CNTNAP2: variants seen among roughly 807,000 people sequenced by gnomAD.
CNTNAP2 encodes the protein contactin associated protein 2, also known as contactin-associated protein-like 2.
In CNTNAP2, 98 loss-of-function variants were observed where a neutral mutation model predicts 155.2. That is an observed-to-expected ratio of 0.63 (90% CI 0.54 to 0.75). CNTNAP2 has a LOEUF of 0.75. Among genes scored for constraint, CNTNAP2 ranks in the 30% least tolerant of loss-of-function variants. The probability of loss-of-function intolerance (pLI) is 0.00; values close to 1 mark genes in which losing one functional copy is unlikely to be tolerated. For missense variants in CNTNAP2, 1,727 were observed against 1,688.1 expected (o/e 1.02, Z -0.40); for synonymous variants, 651 against 631.2 (o/e 1.03, Z -0.47).
chr7:148,103,033 G>T (rs192141964), intron 15 of CNTNAP2, among the ~76,000 whole-genome samples: 4 of 152,086 alleles, frequency 2.6e-5, no homozygotes, highest in Non-Finnish European at 5.9e-5. Context: ...ATGGGGAGGG[G>T]GCTTCCAGGT....
chr7:146,585,191 G>A (rs1386054078), intron 1 of CNTNAP2, among the ~76,000 whole-genome samples: 1 of 151,834 alleles, frequency 6.6e-6, no homozygotes, highest in African/African-American at 2.4e-5. Context: ...GCACGATCTC[G>A]GCTCACTGCA....
intron 20 of CNTNAP2, among the ~76,000 whole-genome samples, chr7:148,236,737 C>T (rs564253629): frequency 1.6e-4 from 25 of 152,258 alleles, no homozygotes; most frequent in South Asian, 2.1e-4. Flanking sequence ...CTGTACAAGA[C>T]GCATAGCAGC....
intron 12 of CNTNAP2, among the ~76,000 whole-genome samples, chr7:147,635,472 T>C (rs1264023487): frequency 6.6e-6 from 1 of 152,082 alleles, no homozygotes; most frequent in African/African-American, 2.4e-5. Context: ...TTTCCTTAGA[T>C]ACATTCCCTA....
intron 20 of CNTNAP2, among the ~76,000 whole-genome samples, chr7:148,264,434 A>G (rs1796630623): frequency 6.6e-6 from 1 of 152,136 alleles, no homozygotes; most frequent in South Asian, 2.1e-4. Flanking sequence ...AAGAAAATAG[A>G]ATTTTGTTGT....
chr7:148,172,553 A>G (rs1390686778), intron 18 of CNTNAP2, 75 bp downstream of exon 18: 23 of 1,283,258 alleles, frequency 1.8e-5, no homozygotes, highest in South Asian at 3.6e-5. Flanking sequence ...ATGATTTTTC[A>G]TATGTAAACA....
At chr7:146,346,988 G>A (rs755982077) in intron 1 of CNTNAP2, among the ~76,000 whole-genome samples, 7 of 151,358 alleles carry the variant, frequency 4.6e-5, no homozygotes, top group African/African-American at 9.7e-5. Flanking sequence ...GAAAGGGATC[G>A]ATGAAAAATA....
intron 1 of CNTNAP2, among the ~76,000 whole-genome samples, chr7:146,537,519 A>G (rs1268637979): frequency 6.6e-6 from 1 of 152,104 alleles, no homozygotes; most frequent in Non-Finnish European, 1.5e-5. Flanking sequence ...AGGAAAGTAA[A>G]TTAGTAAAAT....
At chr7:147,032,883 G>A (rs1799062899) in intron 3 of CNTNAP2, among the ~76,000 whole-genome samples, 1 of 151,984 alleles carries the variant, frequency 6.6e-6, no homozygotes, top group South Asian at 2.1e-4. Flanking sequence ...AGTAGGCTGA[G>A]AACAAATGAT....
intron 8 of CNTNAP2, among the ~76,000 whole-genome samples, chr7:147,156,619 A>G (rs17170339): frequency 0.089 from 13,617 of 152,196 alleles, 661 homozygotes; most frequent in Middle Eastern, 0.13. Context: ...TCTTAAAAGA[A>G]TTTTGAGAGG....
intron 8 of CNTNAP2, among the ~76,000 whole-genome samples, chr7:147,261,769 G>GT (rs1249000177): frequency 6.6e-6 from 1 of 152,172 alleles, no homozygotes; most frequent in African/African-American, 2.4e-5. Context: ...ACAGCCAACT[G>GT]TTTTAAAACT....
intron 18 of CNTNAP2, among the ~76,000 whole-genome samples, chr7:148,180,784 A>G (rs1256938819): frequency 1.3e-5 from 2 of 152,210 alleles, no homozygotes. Context: ...AGCATGGTGC[A>G]TTAGCATCCA....
chr7:148,133,772 AAAAGGGG>A (rs1396872959), intron 16 of CNTNAP2: 1 of 152,154 alleles, frequency 6.6e-6, no homozygotes, highest in Non-Finnish European at 1.5e-5. Flanking sequence ...AGTGATGATG[AAAAGGGG>A]AAAGAAACCT....
rs928906372 is a variant in CNTNAP2, at chr7:148,172,628, A to C, written c.3010+150A>C. 24 of 788,792 alleles carry C rather than the reference A, an allele frequency of 3.0e-5. No individual in the cohort carries two copies. In the Admixed American group the frequency reaches 4.4e-4, roughly 15 times the overall value. 48.9% of individuals were successfully genotyped at this position (788,792 alleles called of 1,614,324 possible). ...CTCTCAACTTAGGTAGGAATTTTCC[A>C]ACCAAAATCATTTCCTAATCATTTT... On this transcript the variant is annotated intron_variant, in intron 18 of 23. Transcript: ENST00000361727.
chr7:147,414,116 A>G (rs190999962), intron 10 of CNTNAP2, among the ~76,000 whole-genome samples: 25 of 152,262 alleles, frequency 1.6e-4, no homozygotes, highest in South Asian at 8.3e-4. Flanking sequence ...TGGTTTTTCA[A>G]TCACTCACTG....
At chr7:146,548,936 C>A (rs952130450) in intron 1 of CNTNAP2, among the ~76,000 whole-genome samples, 1 of 150,928 alleles carries the variant, frequency 6.6e-6, no homozygotes, top group Admixed American at 6.6e-5. Context: ...ATTGCCAAGA[C>A]GAATGTCATA....
At chr7:147,695,064 T>A (rs1382085593) in intron 13 of CNTNAP2, among the ~76,000 whole-genome samples, 1 of 152,218 alleles carries the variant, frequency 6.6e-6, no homozygotes, top group African/African-American at 2.4e-5. Flanking sequence ...AAAAGATTTT[T>A]AAATTTTTCT....
rs539511357 is a variant in CNTNAP2, at chr7:146,724,023, G to T, written c.98-50248G>T. On this transcript the variant is annotated intron_variant, in intron 1 of 23. Coordinates refer to ENST00000361727, the MANE Select transcript of CNTNAP2 (RefSeq NM_014141.6). ...CTTATGCTAAAAAAGTTGTTTTCTG[G>T]AATTCAAACGTTACTACCTGCCCCA... 5.9e-5 allele frequency among the ~76,000 whole-genome samples: 9 copies of T among 152,208 alleles called. No individual in the cohort carries two copies. In the South Asian group the frequency reaches 1.9e-3, roughly 32 times the overall value.
intron 1 of CNTNAP2, among the ~76,000 whole-genome samples, chr7:146,287,891 G>T (rs1292053949): frequency 6.6e-6 from 1 of 152,132 alleles, no homozygotes; most frequent in African/African-American, 2.4e-5. Flanking sequence ...TAAATGCTTT[G>T]TAAATGTTAC....
intron 13 of CNTNAP2, among the ~76,000 whole-genome samples, chr7:147,898,711 G>T (rs1306445950): frequency 4.6e-5 from 7 of 152,002 alleles, no homozygotes; most frequent in African/African-American, 9.7e-5. Context: ...GTAGAGACGG[G>T]GTTTCACCAT....
Sources: allele counts gnomAD v4.1 joint callset (sites outside exome capture counted in the v4.1 genomes callset), GRCh38; gene constraint gnomAD v4.1.1; transcripts MANE v1.5; gene names NCBI Gene and HGNC (gene_info 2026-07-23, HGNC 2026-07-21).